DNER: variants seen among roughly 807,000 people sequenced by gnomAD.
The protein encoded by DNER is delta/notch like EGF repeat containing.
DNER carries 33 observed loss-of-function variants against 78.2 expected under a neutral mutation model. The observed-to-expected ratio is 0.42, with a 90% confidence interval of 0.32 to 0.56. The LOEUF (loss-of-function observed/expected upper bound fraction) is 0.56. Among genes scored for constraint, DNER ranks in the 20% least tolerant of loss-of-function variants. The probability of loss-of-function intolerance (pLI) is 0.11; values close to 1 mark genes in which losing one functional copy is unlikely to be tolerated. For synonymous variants in DNER, 417 were observed against 384.8 expected (o/e 1.08, Z -0.98); for missense variants, 918 against 975.3 (o/e 0.94, Z 0.78).
intron 10 of DNER, among the ~76,000 whole-genome samples, chr2:229,391,083 C>T (rs1693004913): frequency 6.6e-6 from 1 of 152,060 alleles, no homozygotes; most frequent in Non-Finnish European, 1.5e-5. Context: ...CAGAAGACAC[C>T]CAAGGATGAC....
intron 1 of DNER, among the ~76,000 whole-genome samples, chr2:229,632,933 G>A (rs962804085): frequency 1.8e-4 from 27 of 151,846 alleles, no homozygotes; most frequent in African/African-American, 5.1e-4. Context: ...AAAGATAGCC[G>A]CTTTCCCTAC....
At chr2:229,657,511 A>G (rs189441026) in intron 1 of DNER, among the ~76,000 whole-genome samples, 1 of 152,324 alleles carries the variant, frequency 6.6e-6, no homozygotes, top group African/African-American at 2.4e-5. Context: ...TGATTTTTCA[A>G]TTTCAACACT....
chr2:229,570,660 G>C (rs540373882), intron 4 of DNER, among the ~76,000 whole-genome samples: 127 of 152,176 alleles, frequency 8.3e-4, no homozygotes, highest in Admixed American at 2.4e-3. Context: ...ACATTCTATG[G>C]GGGAAAAGAG....
intron 4 of DNER, among the ~76,000 whole-genome samples, chr2:229,554,951 G>A (rs1029748940): frequency 9.1e-6 from 1 of 109,782 alleles, no homozygotes; most frequent in South Asian, 3.5e-4. Context: ...AAAGGGAAGG[G>A]AAGGGAAGGG....
At chr2:229,499,254 T>A (rs1695563232) in intron 6 of DNER, among the ~76,000 whole-genome samples, 1 of 152,022 alleles carries the variant, frequency 6.6e-6, no homozygotes, top group Non-Finnish European at 1.5e-5. Context: ...GAGACCAGCC[T>A]GGCCAATATG....
chr2:229,521,211 G>A (rs559432053), intron 5 of DNER, among the ~76,000 whole-genome samples: 24 of 152,330 alleles, frequency 1.6e-4, no homozygotes, highest in African/African-American at 4.3e-4. Context: ...GAGCCTGTCC[G>A]TAAAGATTCC....
At chr2:229,392,687 T>A (rs1017519597) in intron 10 of DNER, among the ~76,000 whole-genome samples, 1 of 152,106 alleles carries the variant, frequency 6.6e-6, no homozygotes, top group Non-Finnish European at 1.5e-5. Context: ...GTACAGTCAG[T>A]GAAGCCACAA....
chr2:229,466,623 C>T (rs1349994345), intron 7 of DNER, among the ~76,000 whole-genome samples: 2 of 152,128 alleles, frequency 1.3e-5, no homozygotes, highest in Admixed American at 6.5e-5. Context: ...ACATATGTCT[C>T]GCTCACTGCT....
intron 9 of DNER, among the ~76,000 whole-genome samples, chr2:229,412,823 C>T (rs1046712946): frequency 4.6e-5 from 7 of 152,126 alleles, no homozygotes; most frequent in East Asian, 3.9e-4. Flanking sequence ...GGGACAGGAA[C>T]GCTGGCTGAG....
chr2:229,592,407 T>C (rs1697625109), intron 1 of DNER, among the ~76,000 whole-genome samples: 1 of 152,216 alleles, frequency 6.6e-6, no homozygotes, highest in Non-Finnish European at 1.5e-5. Flanking sequence ...AAGGTGATAC[T>C]GTACTATTTA....
intron 1 of DNER, among the ~76,000 whole-genome samples, chr2:229,596,989 G>GCA (rs1442916986): frequency 6.6e-6 from 1 of 151,480 alleles, no homozygotes; most frequent in African/African-American, 2.4e-5. Context: ...GCACACACAT[G>GCA]CACACGCACA....
Position 229,422,509 on chromosome 2 carries a change from G to A in DNER, c.1487-4279C>T, listed in dbSNP as rs77666234. 7.5e-3 allele frequency among the ~76,000 whole-genome samples: 1,147 copies of A among 152,200 alleles called. 9 individuals carry two copies. The highest frequency in any genetic ancestry group is 0.012 in the Non-Finnish European group (845 of 67,998). On this transcript the variant is annotated intron_variant, in intron 8 of 12. Coordinates refer to ENST00000341772, the MANE Select transcript of DNER (RefSeq NM_139072.4). Reference sequence around the variant, plus strand: ...CCAGATGGGGGGAGTGAGAAAGAGCGGTGGAGATGGCTGCCATGTCTAGCT... The same window carrying A: ...CCAGATGGGGGGAGTGAGAAAGAGCAGTGGAGATGGCTGCCATGTCTAGCT...
In DNER at chr2:229,591,195, A is replaced by G. The variant is rs1338569383; in HGVS notation, c.585+385T>C. Among the ~76,000 whole-genome samples the G allele has an allele frequency of 6.6e-6, 1 of 152,188 alleles. No individual in the cohort carries two copies. The highest frequency in any genetic ancestry group is 1.5e-5 in the Non-Finnish European group (1 of 68,014). On this transcript the variant is annotated intron_variant, in intron 2 of 12. Transcript: ENST00000341772. The surrounding 1 kb of genome is among the most constrained non-coding windows in gnomAD (Gnocchi z 4.6). ...ACTGTGTGTTGGTTATAAGCAACCCAGTTTGTGGCATTTTTGTTATAGCAG... is the reference window on the plus strand; with the variant it reads ...ACTGTGTGTTGGTTATAAGCAACCCGGTTTGTGGCATTTTTGTTATAGCAG...
chr2:229,534,083 G>C (rs1485507192), intron 5 of DNER, among the ~76,000 whole-genome samples: 2 of 152,200 alleles, frequency 1.3e-5, no homozygotes, highest in African/African-American at 4.8e-5. Flanking sequence ...AGACATTATA[G>C]ATCGTAATAG....
At chr2:229,461,141 A>G (rs891754405) in intron 7 of DNER, among the ~76,000 whole-genome samples, 1 of 152,070 alleles carries the variant, frequency 6.6e-6, no homozygotes, top group East Asian at 1.9e-4. Context: ...AAAAATTCTA[A>G]AAATAAACCA....
chr2:229,547,222 C>T (rs947430939), intron 4 of DNER, 130 bp from the exon 5 acceptor site: 5 of 1,290,288 alleles, frequency 3.9e-6, no homozygotes, highest in Non-Finnish European at 5.2e-6. Flanking sequence ...TCTGACAAAA[C>T]AAAATGCAGT....
At chr2:229,656,020 T>TGC (rs1559197727) in intron 1 of DNER, among the ~76,000 whole-genome samples, 2 of 152,076 alleles carry the variant, frequency 1.3e-5, no homozygotes, top group Non-Finnish European at 2.9e-5. Context: ...GGAGGAAGCC[T>TGC]GGCCCCACCC....
chr2:229,601,646 C>T (rs1043653678), intron 1 of DNER, among the ~76,000 whole-genome samples: 8 of 152,114 alleles, frequency 5.3e-5, no homozygotes, highest in Admixed American at 2.0e-4. Flanking sequence ...TGTAAGTAGG[C>T]TAAAAGGAAA....
chr2:229,547,188 A>C (rs947829779), intron 4 of DNER, 96 bp from the exon 5 acceptor site: 102 of 1,504,812 alleles, frequency 6.8e-5, no homozygotes, highest in Non-Finnish European at 8.4e-5. Context: ...CAAGACTATG[A>C]ATTTAGTGTA....
Sources: allele counts gnomAD v4.1 joint callset (sites outside exome capture counted in the v4.1 genomes callset), GRCh38; gene constraint gnomAD v4.1.1; non-coding constraint Gnocchi (gnomAD v3.1); transcripts MANE v1.5; gene names NCBI Gene and HGNC (gene_info 2026-07-23, HGNC 2026-07-21).